HRH1: variants seen among roughly 807,000 people sequenced by gnomAD.
HRH1 encodes histamine H1 receptor.
HRH1 carries 6 observed loss-of-function variants against 10.3 expected under a neutral mutation model. That is an observed-to-expected ratio of 0.58 (90% CI 0.32 to 1.15). The LOEUF (loss-of-function observed/expected upper bound fraction) is 1.15, where lower values mean the gene tolerates loss of function less well. HRH1 is among the 50% of genes most tolerant of loss of function. The probability of loss-of-function intolerance (pLI) is 0.05; values close to 1 mark genes in which losing one functional copy is unlikely to be tolerated. For missense variants in HRH1, 514 were observed against 615.3 expected (o/e 0.84, Z 1.74); for synonymous variants, 242 against 236.7 (o/e 1.02, Z -0.21).
intron 1 of HRH1, among the ~76,000 whole-genome samples, chr3:11,231,090 T>TCA (rs1347384728): frequency 6.6e-6 from 1 of 152,230 alleles, no homozygotes; most frequent in Non-Finnish European, 1.5e-5. Context: ...TACATAAATG[T>TCA]CACACAGTTA....
chr3:11,163,387 C>G (rs1936964165), intron 1 of HRH1, among the ~76,000 whole-genome samples: 1 of 152,176 alleles, frequency 6.6e-6, no homozygotes. Flanking sequence ...AAAGATGTCC[C>G]TGATAAATGC....
intron 1 of HRH1, among the ~76,000 whole-genome samples, chr3:11,159,128 G>C (rs747555372): frequency 1.9e-4 from 29 of 152,176 alleles, no homozygotes; most frequent in Admixed American, 1.7e-3. Context: ...CATGCCTGTA[G>C]TCCCAGCTAC....
At chr3:11,177,651 C>T (rs1041878020) in intron 1 of HRH1, among the ~76,000 whole-genome samples, 2 of 152,176 alleles carry the variant, frequency 1.3e-5, no homozygotes, top group African/African-American at 4.8e-5. Flanking sequence ...GAGACTTTGT[C>T]CAATTTATCT....
chr3:11,210,958 A>G (rs533291389), intron 1 of HRH1, among the ~76,000 whole-genome samples: 2 of 152,310 alleles, frequency 1.3e-5, no homozygotes, highest in East Asian at 3.9e-4. Flanking sequence ...TTCATTCAGC[A>G]ACTATCAGTT....
intron 1 of HRH1, among the ~76,000 whole-genome samples, chr3:11,215,400 C>A (rs916345246): frequency 1.3e-5 from 2 of 152,150 alleles, no homozygotes; most frequent in East Asian, 3.8e-4. Flanking sequence ...GGTGTAAAAA[C>A]GAAAGCTATT....
intron 1 of HRH1, among the ~76,000 whole-genome samples, chr3:11,163,322 C>T (rs1217740311): frequency 1.3e-5 from 2 of 152,188 alleles, no homozygotes; most frequent in Non-Finnish European, 2.9e-5. Context: ...GCTTAAAATC[C>T]AGTGACATCC....
chr3:11,243,336 G>A (rs368612150), intron 1 of HRH1, among the ~76,000 whole-genome samples: 3 of 152,194 alleles, frequency 2.0e-5, no homozygotes, highest in African/African-American at 7.2e-5. Context: ...TGCTGTCAGC[G>A]AATGGGATGT....
intron 1 of HRH1, among the ~76,000 whole-genome samples, chr3:11,160,966 A>G (rs73130422): frequency 0.048 from 7,276 of 152,308 alleles, 348 homozygotes; most frequent in African/African-American, 0.12. Flanking sequence ...ACCCTAGAGT[A>G]TCAATGGGAA....
At chr3:11,212,362 C>A (rs58841003) in intron 1 of HRH1, among the ~76,000 whole-genome samples, 1 of 152,184 alleles carries the variant, frequency 6.6e-6, no homozygotes, top group Non-Finnish European at 1.5e-5. Context: ...ATTTTCATTT[C>A]TCTCTGGTGA....
At position 11,260,419 on chromosome 3, in the gene HRH1, C is replaced by G; in HGVS notation, c.1382C>G (p.Ser461Cys). 6.2e-7 allele frequency: 1 copy of G among 1,614,060 alleles called. No individual in the cohort carries two copies. Among genetic ancestry groups the G allele is most frequent in the Non-Finnish European group, 8.5e-7 (1 of 1,179,954 alleles). The change falls in exon 2 of 2, where the codon TCC (serine) becomes TGC (cysteine). Residue 461 changes from serine (S) to cysteine (C), a missense_variant. Transcript: ENST00000431010. ...ACCATCTGGCTGGGCTACATCAACT[C>G]CACACTGAACCCCCTCATCTACCCC... The part of the protein sequence containing the change: ...MFTIWLGYIN[S>C]TLNPLIYPLC...
intron 1 of HRH1, among the ~76,000 whole-genome samples, chr3:11,209,079 T>C (rs1414938823): frequency 6.6e-6 from 1 of 152,088 alleles, no homozygotes. Context: ...AACAGAGAGA[T>C]TTGAACATAA....
upstream of HRH1, among the ~76,000 whole-genome samples, chr3:11,150,380 G>A (rs1450980855): frequency 6.6e-6 from 1 of 152,242 alleles, no homozygotes; most frequent in Non-Finnish European, 1.5e-5. Context: ...CCCACTTGGG[G>A]CGGCTGCATG....
Position 11,244,609 on chromosome 3 carries a change from T to C in HRH1, c.-35-14394T>C, listed in dbSNP as rs552005267. On this transcript the variant is annotated intron_variant, in intron 1 of 1. Transcript: ENST00000431010. ...GTGCTTTATCTAAAACCAACGTTGC[T>C]GAGCTTTATTTAGGTAAATAATTGC... Among the ~76,000 whole-genome samples, 26 of 152,384 alleles carry C rather than the reference T, an allele frequency of 1.7e-4. No homozygotes were observed. The South Asian group carries it at 5.2e-3, about 30-fold the overall frequency.
chr3:11,216,919 C>T (rs1575019784), intron 1 of HRH1, among the ~76,000 whole-genome samples: 1 of 151,560 alleles, frequency 6.6e-6, no homozygotes, highest in East Asian at 1.9e-4. Flanking sequence ...TGTGGTGGCT[C>T]ATGCCTGTAA....
intron 1 of HRH1, among the ~76,000 whole-genome samples, chr3:11,202,069 G>A (rs1363894526): frequency 6.6e-6 from 1 of 152,164 alleles, no homozygotes; most frequent in Admixed American, 6.5e-5. Flanking sequence ...TTTTGCGGTA[G>A]ATAAAATTAT....
intron 1 of HRH1, among the ~76,000 whole-genome samples, chr3:11,138,354 A>C (rs1936225723): frequency 6.6e-6 from 1 of 151,988 alleles, no homozygotes; most frequent in South Asian, 2.1e-4. Flanking sequence ...CAACACACAC[A>C]CACAAAAAAC....
intron 1 of HRH1, among the ~76,000 whole-genome samples, chr3:11,173,153 G>A (rs1052849799): frequency 3.3e-5 from 5 of 152,142 alleles, no homozygotes; most frequent in Non-Finnish European, 5.9e-5. Flanking sequence ...AAAGGGTGGG[G>A]ACTTTGGGTC....
intron 1 of HRH1, among the ~76,000 whole-genome samples, chr3:11,257,051 A>G (rs1181975270): frequency 1.3e-5 from 2 of 151,612 alleles, no homozygotes; most frequent in Admixed American, 6.6e-5. Context: ...TCAGGAGTTC[A>G]AGATCAGCCT....
intron 1 of HRH1, among the ~76,000 whole-genome samples, chr3:11,229,293 A>G (rs1388648510): frequency 6.6e-6 from 1 of 152,160 alleles, no homozygotes; most frequent in African/African-American, 2.4e-5. Flanking sequence ...CTGTGTGTAG[A>G]GCCCCCAAAA....
Sources: allele counts gnomAD v4.1 joint callset (sites outside exome capture counted in the v4.1 genomes callset), GRCh38; gene constraint gnomAD v4.1.1; transcripts MANE v1.5; gene names NCBI Gene and HGNC (gene_info 2026-07-23, HGNC 2026-07-21).